PRKCE: variants seen among roughly 807,000 people sequenced by gnomAD.
PRKCE encodes protein kinase C epsilon type.
A neutral mutation model predicts 85.4 loss-of-function variants in PRKCE; 16 were observed. The ratio of observed to expected loss-of-function variants is 0.19; its 90% CI spans 0.13 to 0.28. The LOEUF is 0.28. PRKCE is among the 10% of genes least tolerant of loss of function. The probability of loss-of-function intolerance (pLI) is 1.00; values close to 1 mark genes in which losing one functional copy is unlikely to be tolerated. For synonymous variants in PRKCE, 388 were observed against 371.5 expected, an observed-to-expected ratio of 1.04 and a Z score of -0.51; for missense variants, 573 against 975.2, an observed-to-expected ratio of 0.59 and a Z score of 5.49.
intron 1 of PRKCE, among the ~76,000 whole-genome samples, chr2:45,798,618 A>T (rs1420023756): frequency 1.3e-5 from 2 of 152,230 alleles, no homozygotes; most frequent in Admixed American, 6.5e-5. Context: ...TTGAAAGCAA[A>T]ATATCAAGTT....
At chr2:45,789,859 T>C (rs1686901349) in intron 1 of PRKCE, among the ~76,000 whole-genome samples, 1 of 152,256 alleles carries the variant, frequency 6.6e-6, no homozygotes, top group Non-Finnish European at 1.5e-5. Flanking sequence ...TGTATTAGTA[T>C]CTTTCTGAAG....
chr2:45,794,142 A>C (rs1448292206), intron 1 of PRKCE, among the ~76,000 whole-genome samples: 1 of 152,198 alleles, frequency 6.6e-6, no homozygotes, highest in Non-Finnish European at 1.5e-5. Context: ...CAGTCAATGC[A>C]GAACTCTTCC....
At chr2:45,886,608 C>T (rs1277723470) in intron 2 of PRKCE, among the ~76,000 whole-genome samples, 1 of 152,206 alleles carries the variant, frequency 6.6e-6, no homozygotes, top group African/African-American at 2.4e-5. Flanking sequence ...ATACAGCTGA[C>T]GTGATAACAG....
chr2:45,668,226 A>C (rs1290705245), intron 1 of PRKCE, among the ~76,000 whole-genome samples: 1 of 152,164 alleles, frequency 6.6e-6, no homozygotes, highest in Non-Finnish European at 1.5e-5. Flanking sequence ...CTGTACTCTC[A>C]GCTACTCAGG....
At chr2:46,048,829 G>T (rs1708682086) in intron 10 of PRKCE, among the ~76,000 whole-genome samples, 1 of 152,118 alleles carries the variant, frequency 6.6e-6, no homozygotes, top group East Asian at 1.9e-4. Context: ...CCTCTTGCAG[G>T]ACTCAACTCA....
Position 46,182,737 on chromosome 2 carries a change from G to A in PRKCE, c.2068-1998G>A, listed in dbSNP as rs1389543093. Among the ~76,000 whole-genome samples the A allele has an allele frequency of 5.3e-5, 8 of 152,292 alleles. No homozygotes were observed. The Middle Eastern group carries it at 0.017, about 324-fold the overall frequency. ...GGACGAGTTGAAAACAGTCCCCCGC[G>A]CAGCTCACCCGGCCCACGTTACCCA... is the stretch of plus-strand genomic sequence containing the variant. On this transcript the variant is annotated intron_variant, in intron 14 of 14. Coordinates refer to ENST00000306156, the MANE Select transcript of PRKCE (RefSeq NM_005400.3).
intron 11 of PRKCE, among the ~76,000 whole-genome samples, chr2:46,129,832 G>A (rs777589253): frequency 6.6e-6 from 1 of 152,228 alleles, no homozygotes; most frequent in South Asian, 2.1e-4. Flanking sequence ...CTGCCATTCC[G>A]ATTTATTATT....
At chr2:45,874,538 C>T (rs540084597) in intron 2 of PRKCE, among the ~76,000 whole-genome samples, 25 of 152,354 alleles carry the variant, frequency 1.6e-4, no homozygotes, top group Admixed American at 4.6e-4. Flanking sequence ...TTCCCAGACT[C>T]CCTGCCTCCT....
chr2:46,084,563 A>G (rs1224879695), intron 10 of PRKCE, among the ~76,000 whole-genome samples: 1 of 152,062 alleles, frequency 6.6e-6, no homozygotes, highest in African/African-American at 2.4e-5. Flanking sequence ...CTCTACTAAA[A>G]ATAAAAAAAT....
At chr2:45,691,393 C>G (rs1677714382) in intron 1 of PRKCE, among the ~76,000 whole-genome samples, 2 of 152,206 alleles carry the variant, frequency 1.3e-5, no homozygotes, top group South Asian at 4.1e-4. Context: ...CACCAGCAGA[C>G]TGAGTGACGC....
intron 1 of PRKCE, among the ~76,000 whole-genome samples, chr2:45,702,301 G>A (rs1265793867): frequency 6.6e-6 from 1 of 152,188 alleles, no homozygotes; most frequent in Non-Finnish European, 1.5e-5. Flanking sequence ...AGCTGGTAAG[G>A]AGGCTTTAGT....
At chr2:46,089,797 T>A (rs1431569604) in intron 11 of PRKCE, among the ~76,000 whole-genome samples, 2 of 152,016 alleles carry the variant, frequency 1.3e-5, no homozygotes, top group African/African-American at 2.4e-5. Context: ...AGGGCCCCGA[T>A]GGCCATGATG....
At chr2:46,045,847 A>T (rs981636227) in intron 10 of PRKCE, among the ~76,000 whole-genome samples, 2 of 152,044 alleles carry the variant, frequency 1.3e-5, no homozygotes, top group African/African-American at 2.4e-5. Flanking sequence ...ATACCACTGC[A>T]CTCCAGCCCA....
intron 10 of PRKCE, among the ~76,000 whole-genome samples, chr2:46,014,837 G>A (rs772334662): frequency 3.3e-5 from 5 of 152,216 alleles, no homozygotes; most frequent in Non-Finnish European, 7.3e-5. Context: ...CAAGAGGGTA[G>A]GGGTAAAGAC....
rs191022157 is a variant in PRKCE at position 45,978,654 on chromosome 2, C to T, written c.573-322C>T. 4 of 298,746 alleles carry T rather than the reference C, an allele frequency of 1.3e-5. No individual in the cohort carries two copies. The East Asian group carries it at 2.3e-4, about 17-fold the overall frequency. The allele number at this position is 298,746 out of a possible 1,614,324, so 18.5% of individuals were successfully genotyped here. A position where few individuals can be genotyped will look rare whatever the true frequency, so the allele number is the denominator to read the frequency against. ...CCACAAGGAAAGGTATGCTTCACTG[C>T]TCAATGCCTACCAGGAGCAAGCAGG... On this transcript the variant is annotated intron_variant, in intron 3 of 14. Transcript: ENST00000306156.
chr2:45,742,265 A>C (rs76331701), intron 1 of PRKCE, among the ~76,000 whole-genome samples: 1 of 152,186 alleles, frequency 6.6e-6, no homozygotes, highest in East Asian at 1.9e-4. Flanking sequence ...AGAAAAAAAA[A>C]CACCACACAA....
chr2:46,101,643 T>C (rs1380027690), intron 11 of PRKCE, among the ~76,000 whole-genome samples: 1 of 152,130 alleles, frequency 6.6e-6, no homozygotes, highest in Non-Finnish European at 1.5e-5. Flanking sequence ...TGGAACAACA[T>C]GTGGGAACTG....
chr2:45,782,471 A>G (rs950683326), intron 1 of PRKCE, among the ~76,000 whole-genome samples: 2 of 152,094 alleles, frequency 1.3e-5, no homozygotes, highest in African/African-American at 2.4e-5. Flanking sequence ...GTTATTCCTG[A>G]CTGTGCATCT....
intron 6 of PRKCE, chr2:46,000,904 G>A (rs953142436): frequency 5.3e-5 from 8 of 152,202 alleles, no homozygotes; most frequent in Non-Finnish European, 2.9e-5. Context: ...GGTGGATCTC[G>A]GAAGAGCTGT....
Sources: allele counts gnomAD v4.1 joint callset (sites outside exome capture counted in the v4.1 genomes callset), GRCh38; gene constraint gnomAD v4.1.1; transcripts MANE v1.5; gene names NCBI Gene and HGNC (gene_info 2026-07-23, HGNC 2026-07-21).